AMPD1: variants seen among roughly 807,000 people sequenced by gnomAD.
AMPD1 encodes the protein adenosine monophosphate deaminase 1.
A neutral mutation model predicts 82.9 loss-of-function variants in AMPD1; 74 were observed. The ratio of observed to expected loss-of-function variants is 0.89; its 90% CI spans 0.74 to 1.08. The LOEUF is 1.08. Ranked by LOEUF, AMPD1 falls within the 50% of genes least tolerant of loss-of-function variation. The pLI is 0.00. For missense variants in AMPD1, 881 were observed against 924.5 expected (o/e 0.95, Z 0.61); for synonymous variants, 333 against 320.5 (o/e 1.04, Z -0.42).
In AMPD1 at chr1:114,688,744, AAAAG is replaced by A. The variant is rs398123114; in HGVS notation, c.35-7_35-4del. 723 of 1,614,202 alleles carry A rather than the reference AAAAG, an allele frequency of 4.5e-4. No homozygotes were observed. Among genetic ancestry groups the A allele is most frequent in the Non-Finnish European group, 4.2e-4 (499 of 1,180,030 alleles). On this transcript the variant is annotated splice_region_variant and splice_polypyrimidine_tract_variant and intron_variant, in intron 2 of 15. Transcript: ENST00000520113. ...GTTGCGCATTGCATCATCAATTTCT[AAAAG>A]AGGTTTTCACATATTAGTGTTCAAG...
At chr1:114,674,938 A>G in intron 12 of AMPD1, 66 bp from the exon 13 acceptor site, 1 of 1,598,806 alleles carries the variant, frequency 6.3e-7, no homozygotes, top group Non-Finnish European at 8.6e-7. Flanking sequence ...AAGAAAATTC[A>G]GTAGAAAAGT....
At position 114,686,831 on chromosome 1, in the gene AMPD1, T is replaced by C. The variant is rs1658332475; in HGVS notation, c.295A>G (p.Ile99Val). The change falls in exon 4 of 16, where the codon ATT (isoleucine) becomes GTT (valine). Residue 99 changes from isoleucine to valine, a missense_variant. Ile to Val is a conservative substitution (Grantham distance 29). Around this residue, in one of 2 missense-constraint regions of AMPD1, gnomAD observed 783 missense variants for 786.4 expected, o/e 1.00. Coordinates refer to ENST00000520113, the MANE Select transcript of AMPD1 (RefSeq NM_000036.3). ...SETSSTKLSH[I>V]DEYISSSPTY... ...GGAGATGAGGAAATGTATTCATCAA[T>C]GTGGGACAGTTTGGTGGAAGATGTT... The C allele has an allele frequency of 9.9e-6, 16 of 1,614,060 alleles. No individual in the cohort carries two copies. The highest frequency in any genetic ancestry group is 1.3e-5 in the African/African-American group (1 of 74,936).
rs1658329491 is a variant in AMPD1 at position 114,686,776 on chromosome 1, C to T, written c.350G>A (p.Arg117Lys). 6.2e-7 allele frequency: 1 copy of T among 1,614,020 alleles called. No individual in the cohort carries two copies. The highest frequency in any genetic ancestry group is 1.3e-5 in the African/African-American group (1 of 74,914). The change falls in exon 4 of 16, where the codon AGA (arginine) becomes AAA (lysine). Residue 117 changes from arginine (R) to lysine (K), a missense_variant. By Grantham distance (26) the Arg-to-Lys change is conservative. This residue lies in a region of AMPD1 where 783 missense variants were observed against 786.4 expected (regional missense o/e 1.00). Transcript: ENST00000520113. ...GGCATAGTCACCAGTAATCTGCACT[C>T]TCTGAAAATCAGGCACGGTCTGGTA... ...PTYQTVPDFQ[R>K]VQITGDYASG...
At chr1:114,691,451 C>T (rs1557975060) in intron 2 of AMPD1, among the ~76,000 whole-genome samples, 1 of 151,778 alleles carries the variant, frequency 6.6e-6, no homozygotes, top group Non-Finnish European at 1.5e-5. Context: ...GCATGTAGTC[C>T]CAGCTACTCA....
intron 5 of AMPD1, among the ~76,000 whole-genome samples, chr1:114,682,179 T>C (rs1658177550): frequency 6.6e-6 from 1 of 152,088 alleles, no homozygotes; most frequent in South Asian, 2.1e-4. Flanking sequence ...AAGCCTCCTG[T>C]TTACAAGTGA....
At chr1:114,693,743 C>A (rs528562977) in intron 1 of AMPD1, among the ~76,000 whole-genome samples, 4 of 152,304 alleles carry the variant, frequency 2.6e-5, no homozygotes, top group African/African-American at 9.6e-5. Flanking sequence ...TGGGAATGCT[C>A]ATATGATGTT....
At chr1:114,685,898 A>T (rs950881081) in intron 4 of AMPD1, among the ~76,000 whole-genome samples, 53 of 152,274 alleles carry the variant, frequency 3.5e-4, no homozygotes, top group Middle Eastern at 3.4e-3. Context: ...TGTCACTTTT[A>T]AGTATCTTAG....
Position 114,678,392 on chromosome 1 carries a change from A to G in AMPD1, c.1033T>C (p.Phe345Leu). 1 of 1,614,174 alleles carries G rather than the reference A, an allele frequency of 6.2e-7. No individual in the cohort carries two copies. The highest frequency in any genetic ancestry group is 1.1e-5 in the South Asian group (1 of 91,080). The change falls in exon 8 of 16, where the codon TTT becomes CTT. Residue 345 changes from phenylalanine to leucine, a missense_variant. Around this residue, in one of 2 missense-constraint regions of AMPD1, gnomAD observed 783 missense variants for 786.4 expected, o/e 1.00. Coordinates refer to ENST00000520113, the MANE Select transcript of AMPD1 (RefSeq NM_000036.3). ...KEKNLTLKELFAKLKMHPYDL... is the reference protein window; with the variant it reads ...KEKNLTLKELLAKLKMHPYDL... ...TAAGGATGCATTTTTAATTTAGCAAAAAGTTCCTTTAGGGTCAGATTCTTC... is the reference window on the plus strand; with the variant it reads ...TAAGGATGCATTTTTAATTTAGCAAGAAGTTCCTTTAGGGTCAGATTCTTC...
chr1:114,686,722 C>T (rs760861144), intron 4 of AMPD1, 23 bp downstream of exon 4: 2 of 1,613,596 alleles, frequency 1.2e-6, no homozygotes, highest in Non-Finnish European at 8.5e-7. Context: ...GTTGCTAAGT[C>T]TGAGTGGCAA....
In AMPD1 at chr1:114,675,596, T is replaced by C. The variant is rs770335811; in HGVS notation, c.1613A>G (p.Asn538Ser). Residue 538 changes from asparagine (N) to serine (S), a missense_variant, in exon 12 of 16, where the codon AAT becomes AGT. By Grantham distance (46) the Asn-to-Ser change is conservative. This residue lies in a region of AMPD1 where 783 missense variants were observed against 786.4 expected (regional missense o/e 1.00). Transcript: ENST00000520113. ...PKPQEWTLEKNPSYTYYAYYM... is the reference protein window; with the variant it reads ...PKPQEWTLEKSPSYTYYAYYM... The stretch of plus-strand genomic sequence containing the variant: ...GTAGGCATAGTAAGTGTAAGATGGA[T>C]TCTTTTCCAATGTCCACTCCTGGGG... 6.2e-7 allele frequency: 1 copy of C among 1,614,204 alleles called. No individual in the cohort carries two copies.
At chr1:114,680,108 A>T in intron 6 of AMPD1, 151 bp downstream of exon 6, 1 of 786,098 alleles carries the variant, frequency 1.3e-6, no homozygotes, top group Non-Finnish European at 2.2e-6. Flanking sequence ...AAGCAATAAA[A>T]GGAACAATGT....
rs758283003 is a variant in AMPD1, at chr1:114,688,731, A to G, written c.45T>C (p.Asp15=). 6 of 1,614,222 alleles carry G rather than the reference A, an allele frequency of 3.7e-6. No homozygotes were observed. The highest frequency in any genetic ancestry group is 5.1e-6 in the Non-Finnish European group (6 of 1,180,032). Residue 15 remains aspartate (D), a synonymous_variant, in exon 3 of 16, where the codon GAT becomes GAC. Coordinates refer to ENST00000520113, the MANE Select transcript of AMPD1 (RefSeq NM_000036.3). The part of the protein sequence containing the change: ...KLPAEEKQID[D]AMRNFAEKVF... ...CTTTTTCAGCAAAGTTGCGCATTGC[A>G]TCATCAATTTCTAAAAGAGGTTTTC... is the stretch of plus-strand genomic sequence containing the variant.
At chr1:114,684,426 A>T in intron 4 of AMPD1, 62 bp from the exon 5 acceptor site, 1 of 1,571,474 alleles carries the variant, frequency 6.4e-7, no homozygotes, top group Non-Finnish European at 8.7e-7. Flanking sequence ...AGAAGTGAGT[A>T]AAGCTTATCC....
At position 114,673,680 on chromosome 1, in the gene AMPD1, C is replaced by G. The variant is rs576161172; in HGVS notation, c.2044G>C (p.Val682Leu). 8.1e-6 allele frequency: 13 copies of G among 1,614,012 alleles called. No homozygotes were observed. The highest frequency in any genetic ancestry group is 1.0e-5 in the Non-Finnish European group (12 of 1,180,012). Residue 682 changes from valine (V) to leucine (L), a missense_variant, in exon 15 of 16, where the codon GTG (valine) becomes CTG (leucine). Val to Leu is a conservative substitution (Grantham distance 32, BLOSUM62 1). Coordinates refer to ENST00000520113, the MANE Select transcript of AMPD1 (RefSeq NM_000036.3). ...FKLSTCDMCE[V>L]ARNSVLQCGI... ...CACTGCAAGACACTGTTCCTTGCCACTTCGCACATATCACAGGTGCTCAGC... is the reference window on the plus strand; with the variant it reads ...CACTGCAAGACACTGTTCCTTGCCAGTTCGCACATATCACAGGTGCTCAGC...
chr1:114,678,998 A>G (rs1331210305), intron 7 of AMPD1, among the ~76,000 whole-genome samples: 1 of 152,244 alleles, frequency 6.6e-6, no homozygotes, highest in Non-Finnish European at 1.5e-5. Context: ...AAAGTTGTAT[A>G]GGCAGCTGAG....
At chr1:114,680,565 C>T (rs1658128914) in intron 5 of AMPD1, 87 bp from the exon 6 acceptor site, 2 of 1,103,572 alleles carry the variant, frequency 1.8e-6, no homozygotes, top group Middle Eastern at 4.4e-4. Context: ...ACTACAACAT[C>T]TCATTAGCTT....
chr1:114,694,353 T>C (rs923418341), intron 1 of AMPD1, among the ~76,000 whole-genome samples: 2 of 152,098 alleles, frequency 1.3e-5, no homozygotes, highest in African/African-American at 2.4e-5. Flanking sequence ...GATACCATGG[T>C]AAAAGGATAA....
intron 7 of AMPD1, among the ~76,000 whole-genome samples, chr1:114,679,062 T>A (rs1658079812): frequency 6.6e-6 from 1 of 152,226 alleles, no homozygotes; most frequent in East Asian, 1.9e-4. Context: ...CACTTCCTTG[T>A]AATCATTTTA....
intron 2 of AMPD1, among the ~76,000 whole-genome samples, chr1:114,689,530 A>G (rs1658445936): frequency 6.6e-6 from 1 of 152,084 alleles, no homozygotes; most frequent in Non-Finnish European, 1.5e-5. Context: ...TAAGAAAACC[A>G]GTGTCTCTGG....
Sources: gnomAD v4.1 joint callset for allele counts (sites outside exome capture counted in the v4.1 genomes callset) on GRCh38, gnomAD v4.1.1 for gene constraint, gnomAD v4.1.1 regional missense constraint, MANE v1.5 for transcripts, NCBI Gene and HGNC (gene_info 2026-07-23, HGNC 2026-07-21) for gene names.